The following TCF4 variants were observed in gnomAD, a reference collection of about 807,000 sequenced individuals.
TCF4 encodes the protein transcription factor 4.
TCF4 carries 3 observed loss-of-function variants against 82.1 expected under a neutral mutation model. That is an observed-to-expected ratio of 0.04 (90% CI 0.02 to 0.09). The LOEUF is 0.09. Ranked by LOEUF, TCF4 falls within the 10% of genes least tolerant of loss-of-function variation. The pLI is 1.00. For synonymous variants in TCF4, 276 were observed against 309.6 expected, an observed-to-expected ratio of 0.89 and a Z score of 1.14; for missense variants, 518 against 852.7, an observed-to-expected ratio of 0.61 and a Z score of 4.89.
At chr18:55,468,951 G>A (rs1040341164) in intron 3 of TCF4, among the ~76,000 whole-genome samples, 24 of 144,590 alleles carry the variant, frequency 1.7e-4, no homozygotes, top group African/African-American at 5.4e-4. Flanking sequence ...ATATTACCCC[G>A]GGCAAAAAGA....
intron 3 of TCF4, among the ~76,000 whole-genome samples, chr18:55,535,384 G>A (rs1238240772): frequency 6.6e-6 from 1 of 152,160 alleles, no homozygotes; most frequent in African/African-American, 2.4e-5. Context: ...AAAAAAACCT[G>A]CAGCGACCAT....
chr18:55,360,976 TG>T (rs1180212849), intron 6 of TCF4, among the ~76,000 whole-genome samples: 6 of 152,210 alleles, frequency 3.9e-5, no homozygotes, highest in Non-Finnish European at 7.4e-5. Flanking sequence ...CCACCCGCGC[TG>T]GCCTCCCAAA....
chr18:55,360,089 T>C (rs1260915451), intron 6 of TCF4, among the ~76,000 whole-genome samples: 1 of 152,154 alleles, frequency 6.6e-6, no homozygotes, highest in Non-Finnish European at 1.5e-5. Flanking sequence ...AGAAGAAACA[T>C]TGCAGGAGAG....
chr18:55,486,362 T>C (rs140282719), intron 3 of TCF4, among the ~76,000 whole-genome samples: 5,715 of 151,952 alleles, frequency 0.038, 126 homozygotes, highest in Non-Finnish European at 0.052. Flanking sequence ...GAGGCTGAGG[T>C]GGGCAGATGG....
chr18:55,521,363 CTT>C (rs1228155344), intron 3 of TCF4, among the ~76,000 whole-genome samples: 1 of 152,132 alleles, frequency 6.6e-6, no homozygotes, highest in Non-Finnish European at 1.5e-5. Context: ...AAGAATAACA[CTT>C]TGATTTACAT....
chr18:55,271,142 T>C (rs943466798), intron 10 of TCF4, among the ~76,000 whole-genome samples: 1 of 152,118 alleles, frequency 6.6e-6, no homozygotes, highest in African/African-American at 2.4e-5. Context: ...AGATCCGTCT[T>C]GAATTCTACC....
At chr18:55,300,463 T>C (rs1479330424) in intron 8 of TCF4, among the ~76,000 whole-genome samples, 1 of 151,620 alleles carries the variant, frequency 6.6e-6, no homozygotes, top group African/African-American at 2.4e-5. Context: ...GGCTGGATGA[T>C]GAAAAGACCA....
intron 11 of TCF4, chr18:55,267,177 T>C (rs1215836348): frequency 6.6e-6 from 1 of 152,204 alleles, no homozygotes; most frequent in African/African-American, 2.4e-5. Flanking sequence ...TACAGAATCG[T>C]GTGTAATCTC....
intron 15 of TCF4, among the ~76,000 whole-genome samples, chr18:55,247,115 G>A (rs141365995): frequency 1.1e-4 from 16 of 152,306 alleles, no homozygotes; most frequent in East Asian, 1.9e-4. Context: ...GCCATACGGT[G>A]TATAAGGAGG....
intron 2 of TCF4, among the ~76,000 whole-genome samples, chr18:55,603,153 C>T (rs1282551304): frequency 2.6e-5 from 4 of 152,080 alleles, no homozygotes; most frequent in East Asian, 1.9e-4. Flanking sequence ...AATTCTTTGA[C>T]GTGGAAGTAT....
At chr18:55,623,396 CAG>C (rs2097723460) in intron 2 of TCF4, among the ~76,000 whole-genome samples, 1 of 152,036 alleles carries the variant, frequency 6.6e-6, no homozygotes, top group Admixed American at 6.5e-5. Context: ...AAATAATAAA[CAG>C]AAAATGTATC....
At chr18:55,314,308 G>A (rs937266997) in intron 8 of TCF4, among the ~76,000 whole-genome samples, 25 of 152,094 alleles carry the variant, frequency 1.6e-4, no homozygotes, top group African/African-American at 4.1e-4. Flanking sequence ...ATAATGTGCT[G>A]GCCAATCAAC....
chr18:55,439,735 T>G (rs1438355757), intron 5 of TCF4, among the ~76,000 whole-genome samples: 1 of 152,230 alleles, frequency 6.6e-6, no homozygotes, highest in Non-Finnish European at 1.5e-5. Flanking sequence ...TTCTTTTTTC[T>G]TTTTTGAGAC....
At chr18:55,630,784 T>G (rs1195748449) in intron 2 of TCF4, among the ~76,000 whole-genome samples, 1 of 152,168 alleles carries the variant, frequency 6.6e-6, no homozygotes, top group African/African-American at 2.4e-5. Context: ...TGACCTAGTT[T>G]GATGGCAAGG....
At chr18:55,500,481 T>C (rs1232850905) in intron 3 of TCF4, among the ~76,000 whole-genome samples, 2 of 152,244 alleles carry the variant, frequency 1.3e-5, no homozygotes, top group African/African-American at 4.8e-5. Flanking sequence ...TGGAACTAAA[T>C]TCTGAACCAG....
At chr18:55,318,435 T>C (rs2074685545) in intron 8 of TCF4, among the ~76,000 whole-genome samples, 1 of 152,042 alleles carries the variant, frequency 6.6e-6, no homozygotes, top group African/African-American at 2.4e-5. Flanking sequence ...AGTTCAGAAG[T>C]GGTGCTTTAA....
intron 6 of TCF4, among the ~76,000 whole-genome samples, chr18:55,367,350 C>A (rs10439072): frequency 0.016 from 2,402 of 152,308 alleles, 86 homozygotes; most frequent in African/African-American, 0.053. Flanking sequence ...TGCCATCCTC[C>A]CTCCTTCTGC....
intron 5 of TCF4, among the ~76,000 whole-genome samples, chr18:55,410,991 C>T (rs528145174): frequency 6.6e-6 from 1 of 152,284 alleles, no homozygotes; most frequent in South Asian, 2.1e-4. Context: ...GAGAAGTACA[C>T]ACATTATCAA....
At chr18:55,536,827 T>C (rs2097120369) in intron 3 of TCF4, among the ~76,000 whole-genome samples, 2 of 152,230 alleles carry the variant, frequency 1.3e-5, no homozygotes, top group African/African-American at 2.4e-5. Context: ...TCTTCCATCA[T>C]ACTTTTAAAA....
Sources: gnomAD v4.1 joint callset for allele counts (sites outside exome capture counted in the v4.1 genomes callset) on GRCh38, gnomAD v4.1.1 for gene constraint, MANE v1.5 for transcripts, NCBI Gene and HGNC (gene_info 2026-07-23, HGNC 2026-07-21) for gene names.